Variants in SRPK1 observed in about 807,000 individuals in gnomAD.
SRPK1 encodes the protein SFRS protein kinase 1.
In SRPK1, 52 loss-of-function variants were observed where a neutral mutation model predicts 89.5. The observed-to-expected ratio is 0.58, with a 90% CI of 0.46 to 0.73. SRPK1 has a LOEUF of 0.73. Ranked by LOEUF, SRPK1 falls within the 30% of genes least tolerant of loss-of-function variation. The pLI is 0.00. For missense variants in SRPK1, 603 were observed against 780.6 expected (o/e 0.77, Z 2.71); for synonymous variants, 255 against 270.2 (o/e 0.94, Z 0.55).
intron 13 of SRPK1, among the ~76,000 whole-genome samples, chr6:35,848,903 G>A (rs925035094): frequency 1.3e-5 from 2 of 152,108 alleles, no homozygotes; most frequent in African/African-American, 4.8e-5. Flanking sequence ...GAAGAAACAG[G>A]GGGAAACCCA....
At chr6:35,893,600 A>G (rs1450020262) in intron 2 of SRPK1, among the ~76,000 whole-genome samples, 3 of 152,214 alleles carry the variant, frequency 2.0e-5, no homozygotes, top group South Asian at 2.1e-4. Context: ...AAGGAGGCCT[A>G]TTCTCTAAAG....
intron 2 of SRPK1, among the ~76,000 whole-genome samples, chr6:35,901,232 G>A (rs990686861): frequency 6.6e-6 from 1 of 152,168 alleles, no homozygotes. Context: ...CTGGGCTTGT[G>A]ACATTATTTA....
intron 14 of SRPK1, chr6:35,838,836 G>T: frequency 7.4e-7 from 1 of 1,358,812 alleles, no homozygotes; most frequent in Non-Finnish European, 9.8e-7. Flanking sequence ...TCAAGGACAA[G>T]CTGTAAAAGA....
intron 2 of SRPK1, among the ~76,000 whole-genome samples, chr6:35,896,952 G>A (rs1770637597): frequency 6.6e-6 from 1 of 152,178 alleles, no homozygotes; most frequent in Non-Finnish European, 1.5e-5. Context: ...AGAGAAGCCA[G>A]TTACAAAAGA....
At chr6:35,839,672 A>T (rs1259372940) in intron 14 of SRPK1, among the ~76,000 whole-genome samples, 1 of 150,420 alleles carries the variant, frequency 6.6e-6, no homozygotes, top group Non-Finnish European at 1.5e-5. Context: ...GACAGAAGTT[A>T]AGAATATAAA....
chr6:35,902,320 G>A (rs1770761374), intron 2 of SRPK1, among the ~76,000 whole-genome samples: 1 of 151,950 alleles, frequency 6.6e-6, no homozygotes, highest in African/African-American at 2.4e-5. Flanking sequence ...AGCAGAGGCA[G>A]GAGGATCCCT....
At chr6:35,916,242 A>AAATAAATTAATT (rs140873612) in intron 2 of SRPK1, among the ~76,000 whole-genome samples, 4 of 148,034 alleles carry the variant, frequency 2.7e-5, no homozygotes, top group Non-Finnish European at 5.9e-5. Context: ...ATAAATAAAT[A>AAATAAATTAATT]AATTAATTAA....
intron 14 of SRPK1, among the ~76,000 whole-genome samples, chr6:35,842,072 A>C (rs1294842926): frequency 6.6e-6 from 1 of 152,172 alleles, no homozygotes; most frequent in African/African-American, 2.4e-5. Context: ...AATTAGTTTT[A>C]TATTCAGAAA....
At chr6:35,865,862 T>C (rs984711885) in intron 12 of SRPK1, among the ~76,000 whole-genome samples, 10 of 151,138 alleles carry the variant, frequency 6.6e-5, no homozygotes, top group African/African-American at 1.9e-4. Flanking sequence ...AAAATAAAAA[T>C]AGACAAATGG....
chr6:35,845,611 A>G (rs1367583490), intron 13 of SRPK1, among the ~76,000 whole-genome samples: 1 of 152,256 alleles, frequency 6.6e-6, no homozygotes, highest in Non-Finnish European at 1.5e-5. Context: ...AGGTAGCAGA[A>G]AGGAATACTG....
At chr6:35,897,971 C>T (rs905220122) in intron 2 of SRPK1, among the ~76,000 whole-genome samples, 2 of 152,144 alleles carry the variant, frequency 1.3e-5, no homozygotes, top group East Asian at 3.8e-4. Context: ...TAAGGTAAAA[C>T]CTGTAATTGC....
At chr6:35,879,551 AAAAT>A (rs904920936) in intron 6 of SRPK1, among the ~76,000 whole-genome samples, 1 of 152,160 alleles carries the variant, frequency 6.6e-6, no homozygotes, top group Non-Finnish European at 1.5e-5. Context: ...CTGTCTCAAA[AAAAT>A]AAATAAATAA....
intron 14 of SRPK1, among the ~76,000 whole-genome samples, chr6:35,839,318 C>A (rs543089157): frequency 1.3e-5 from 2 of 152,290 alleles, no homozygotes; most frequent in African/African-American, 2.4e-5. Flanking sequence ...CTGGCTGATA[C>A]CCCATTTTAA....
chr6:35,878,425 G>T (rs1770204208), intron 6 of SRPK1, among the ~76,000 whole-genome samples: 1 of 152,190 alleles, frequency 6.6e-6, no homozygotes, highest in Admixed American at 6.5e-5. Flanking sequence ...GACAACCAAT[G>T]CATTGGCAGA....
intron 2 of SRPK1, among the ~76,000 whole-genome samples, chr6:35,893,835 A>AC (rs34694829): frequency 6.7e-6 from 1 of 149,678 alleles, no homozygotes; most frequent in Non-Finnish European, 1.5e-5. Context: ...ACATGGTGAA[A>AC]CCCCGTCTCT....
chr6:35,847,044 T>C (rs1398221484), intron 13 of SRPK1, among the ~76,000 whole-genome samples: 1 of 152,192 alleles, frequency 6.6e-6, no homozygotes, highest in African/African-American at 2.4e-5. Context: ...ACAGCTAACA[T>C]TGTACTCAAT....
chr6:35,853,993 C>T (rs1431596778), intron 13 of SRPK1, among the ~76,000 whole-genome samples: 1 of 151,802 alleles, frequency 6.6e-6, no homozygotes, highest in Non-Finnish European at 1.5e-5. Flanking sequence ...CTCTGTTGCC[C>T]AGGCTGGGGT....
intron 2 of SRPK1, among the ~76,000 whole-genome samples, chr6:35,905,176 G>A (rs1046952716): frequency 3.3e-5 from 5 of 152,044 alleles, no homozygotes; most frequent in African/African-American, 1.2e-4. Context: ...AACAAAAGTT[G>A]TGAACACTAA....
At chr6:35,911,965 T>C (rs943785180) in intron 2 of SRPK1, among the ~76,000 whole-genome samples, 2 of 152,062 alleles carry the variant, frequency 1.3e-5, no homozygotes, top group African/African-American at 4.8e-5. Context: ...TGCAGCAAAC[T>C]TCATTGTTTA....
Sources: gnomAD v4.1 joint callset for allele counts (sites outside exome capture counted in the v4.1 genomes callset) on GRCh38, gnomAD v4.1.1 for gene constraint, MANE v1.5 for transcripts, NCBI Gene and HGNC (gene_info 2026-07-23, HGNC 2026-07-21) for gene names.